KIF14: variants seen among roughly 807,000 people sequenced by gnomAD.
The protein encoded by KIF14 is kinesin-like protein KIF14.
In KIF14, 98 loss-of-function variants were observed where a neutral mutation model predicts 176.2. That is an observed-to-expected ratio of 0.56 (90% CI 0.47 to 0.66). KIF14 has a LOEUF of 0.66. Among genes scored for constraint, KIF14 ranks in the 30% least tolerant of loss-of-function variants. The probability of loss-of-function intolerance (pLI) is 0.00; values close to 1 mark genes in which losing one functional copy is unlikely to be tolerated. For missense variants in KIF14, 1,751 were observed against 1,920.4 expected (o/e 0.91, Z 1.65); for synonymous variants, 566 against 632.2 (o/e 0.90, Z 1.57).
chr1:200,593,927 G>GTGT lies in KIF14; in HGVS notation c.2550-159_2550-158insACA, dbSNP rs376240534. Among the ~76,000 whole-genome samples the GTGT allele has an allele frequency of 3.0e-5, 3 of 100,550 alleles. No individual in the cohort carries two copies. The East Asian group carries it at 9.0e-4, about 30-fold the overall frequency. The allele number at this position is 100,550 out of a possible 152,430, so 66.0% of individuals were successfully genotyped here. On this transcript the variant is annotated intron_variant, in intron 14 of 29. Coordinates refer to ENST00000367350, the MANE Select transcript of KIF14 (RefSeq NM_014875.3). Reference sequence around the variant, plus strand: ...AAATTATTTTATTTTCCTCCAACTAGTTTTTTTTTTTTTTTTTTTTTGAGA... The same window carrying GTGT: ...AAATTATTTTATTTTCCTCCAACTAGTGTTTTTTTTTTTTTTTTTTTTTTGAGA...
rs1658033676 is a variant in KIF14, at chr1:200,575,278, T to G, written c.3566+313A>C. On this transcript the variant is annotated intron_variant, in intron 22 of 29. Coordinates refer to ENST00000367350, the MANE Select transcript of KIF14 (RefSeq NM_014875.3). ...GCCAGAGAAAATAATTTAAAAGTAA[T>G]AAATACTGTTCATTTTTACGGAAAA... Among the ~76,000 whole-genome samples, 3 of 152,078 alleles carry G rather than the reference T, an allele frequency of 2.0e-5. No homozygotes were observed. The South Asian group carries it at 6.2e-4, about 32-fold the overall frequency.
At chr1:200,612,060 T>A (rs576485275) in intron 4 of KIF14, among the ~76,000 whole-genome samples, 2 of 152,030 alleles carry the variant, frequency 1.3e-5, no homozygotes, top group South Asian at 4.2e-4. Context: ...TGGAGTACAG[T>A]GGCATGATCT....
chr1:200,575,812 A>G, intron 21 of KIF14, 121 bp from the exon 22 acceptor site: 1 of 461,108 alleles, frequency 2.2e-6, no homozygotes, highest in South Asian at 6.0e-5. Flanking sequence ...ATTATATATT[A>G]TCTGATAAGT....
In KIF14 at chr1:200,608,829, C is replaced by T; in HGVS notation, c.1554+1G>A. 6.5e-7 allele frequency: 1 copy of T among 1,542,816 alleles called. No homozygotes were observed. Among genetic ancestry groups the T allele is most frequent in the Admixed American group, 1.7e-5 (1 of 59,608 alleles). On this transcript the variant is annotated splice_donor_variant, in intron 5 of 29. Transcript: ENST00000367350. LOFTEE classifies it high-confidence loss of function. The stretch of plus-strand genomic sequence containing the variant: ...CAAATAATAAATTGTTTTAATCTTA[C>T]TGGTTGCTTTCTCTGCCCATTTTCA...
At chr1:200,595,977 G>A (rs115709948) in intron 14 of KIF14, among the ~76,000 whole-genome samples, 3,519 of 147,826 alleles carry the variant, frequency 0.024, 51 homozygotes, top group Non-Finnish European at 0.035. Flanking sequence ...ATTACAGGCC[G>A]GTCGTGGTAG....
intron 27 of KIF14, 108 bp downstream of exon 27, chr1:200,559,222 C>A: frequency 1.4e-6 from 1 of 693,634 alleles, no homozygotes; most frequent in Non-Finnish European, 2.1e-6. Flanking sequence ...AAAAATAACT[C>A]GAAACAAATT....
intron 27 of KIF14, among the ~76,000 whole-genome samples, chr1:200,558,131 T>C (rs1205463723): frequency 6.6e-6 from 1 of 152,198 alleles, no homozygotes; most frequent in African/African-American, 2.4e-5. Flanking sequence ...AATTTCTGTA[T>C]TTTTTGTAGA....
chr1:200,579,486 G>A (rs1658325880), intron 21 of KIF14, among the ~76,000 whole-genome samples: 1 of 152,042 alleles, frequency 6.6e-6, no homozygotes, highest in Non-Finnish European at 1.5e-5. Context: ...GCAGGCACCT[G>A]TAATCCCAGC....
At chr1:200,596,888 CTTT>C (rs993346438) in intron 14 of KIF14, among the ~76,000 whole-genome samples, 3 of 99,220 alleles carry the variant, frequency 3.0e-5, no homozygotes, top group South Asian at 3.6e-4. Flanking sequence ...CTCTCTCTCT[CTTT>C]TTTTTTTTTT....
chr1:200,612,597 T>C (rs1481770873), intron 4 of KIF14, among the ~76,000 whole-genome samples: 1 of 152,052 alleles, frequency 6.6e-6, no homozygotes, highest in African/African-American at 2.4e-5. Context: ...CCCATACTCC[T>C]CCTATTTTCA....
At chr1:200,559,845 T>C (rs554347240) in intron 26 of KIF14, among the ~76,000 whole-genome samples, 2 of 152,134 alleles carry the variant, frequency 1.3e-5, no homozygotes, top group South Asian at 4.2e-4. Context: ...ACCTCCACCT[T>C]CCTGGTTCAA....
At chr1:200,564,497 C>T (rs1319192541) in intron 25 of KIF14, among the ~76,000 whole-genome samples, 1 of 152,134 alleles carries the variant, frequency 6.6e-6, no homozygotes, top group Admixed American at 6.5e-5. Context: ...CATCTTACTT[C>T]TTCTTACAGC....
chr1:200,566,271 TTTTC>T (rs199923432), intron 23 of KIF14, among the ~76,000 whole-genome samples: 3,547 of 151,566 alleles, frequency 0.023, 47 homozygotes, highest in Non-Finnish European at 0.035. Context: ...ATTAATTTTC[TTTTC>T]TTTCTTTCTT....
chr1:200,554,232 A>T (rs1375191248), intron 29 of KIF14, among the ~76,000 whole-genome samples: 1 of 152,152 alleles, frequency 6.6e-6, no homozygotes, highest in Admixed American at 6.5e-5. Flanking sequence ...CTCTACTAAA[A>T]ATACAAAAAT....
At chr1:200,577,582 G>A (rs1388547772) in intron 21 of KIF14, among the ~76,000 whole-genome samples, 1 of 151,876 alleles carries the variant, frequency 6.6e-6, no homozygotes, top group Non-Finnish European at 1.5e-5. Context: ...GGATCACAAG[G>A]TCAGGAGATT....
chr1:200,567,037 G>C (rs1299057013), intron 23 of KIF14, among the ~76,000 whole-genome samples: 1 of 151,744 alleles, frequency 6.6e-6, no homozygotes, highest in Non-Finnish European at 1.5e-5. Context: ...AGCCAGGCAT[G>C]GTGGTGGGCG....
intron 2 of KIF14, 25 bp downstream of exon 2, chr1:200,617,587 T>A: frequency 6.4e-7 from 1 of 1,568,942 alleles, no homozygotes; most frequent in Non-Finnish European, 8.6e-7. Context: ...CTGCTTGGCT[T>A]TAGATTTTAA....
intron 27 of KIF14, among the ~76,000 whole-genome samples, chr1:200,559,041 G>A (rs914121252): frequency 2.0e-5 from 3 of 152,098 alleles, no homozygotes; most frequent in Non-Finnish European, 4.4e-5. Context: ...ACCAGAAAGC[G>A]AACACTAGGT....
chr1:200,575,522 TACACACAC>T (rs35571944), intron 22 of KIF14, 61 bp downstream of exon 22: 75 of 625,820 alleles, frequency 1.2e-4, no homozygotes, highest in Admixed American at 6.6e-4. Context: ...ATATACAATT[TACACACAC>T]ACACACACAC....
Sources: allele counts gnomAD v4.1 joint callset (sites outside exome capture counted in the v4.1 genomes callset), GRCh38; gene constraint gnomAD v4.1.1; transcripts MANE v1.5; gene names NCBI Gene and HGNC (gene_info 2026-07-23, HGNC 2026-07-21).